The following TENM2 variants were observed in gnomAD, a reference collection of about 807,000 sequenced individuals.
TENM2 encodes teneurin-2.
A neutral mutation model predicts 245.2 loss-of-function variants in TENM2; 52 were observed. The observed-to-expected ratio is 0.21, with a 90% CI of 0.17 to 0.27. The LOEUF (loss-of-function observed/expected upper bound fraction) is 0.27, where lower values mean the gene tolerates loss of function less well. TENM2 is among the 10% of genes least tolerant of loss of function. TENM2 has a pLI of 1.00. For missense variants in TENM2, 3,046 were observed against 3,666.8 expected, an observed-to-expected ratio of 0.83 and a Z score of 4.37; for synonymous variants, 1,363 against 1,438.9, an observed-to-expected ratio of 0.95 and a Z score of 1.19.
chr5:167,485,948 C>T (rs191449844), intron 2 of TENM2, among the ~76,000 whole-genome samples: 10 of 152,174 alleles, frequency 6.6e-5, no homozygotes, highest in African/African-American at 2.2e-4. Context: ...TATGTGCACA[C>T]ACACACAAAT....
chr5:168,198,741 T>G, intron 15 of TENM2, 112 bp from the exon 18 acceptor site: 1 of 1,346,480 alleles, frequency 7.4e-7, no homozygotes, highest in Non-Finnish European at 1.0e-6. Context: ...CCAAAGCCCA[T>G]GGTCTCCTCT....
At chr5:167,058,756 AG>A in the TENM2 span, among the ~76,000 whole-genome samples, 1 of 152,036 alleles carries the variant, frequency 6.6e-6, no homozygotes, top group Non-Finnish European at 1.5e-5. Flanking sequence ...GTCTCTTAAG[AG>A]GGGGGCGGGG....
intron 2 of TENM2, among the ~76,000 whole-genome samples, chr5:167,719,266 A>G (rs1759463805): frequency 6.6e-6 from 1 of 152,244 alleles, no homozygotes; most frequent in South Asian, 2.1e-4. Context: ...ATTGGCCTAC[A>G]TACTTGTGAA....
At chr5:167,297,401 G>A (rs1289285153) in intron 1 of TENM2, 1 of 152,068 alleles carries the variant, frequency 6.6e-6, no homozygotes, top group Non-Finnish European at 1.5e-5. Context: ...GATTCTTCTG[G>A]CACCCCTGCT....
chr5:167,150,068 G>T, the TENM2 span, among the ~76,000 whole-genome samples: 1 of 152,104 alleles, frequency 6.6e-6, no homozygotes, highest in Non-Finnish European at 1.5e-5. Flanking sequence ...AGTCTCCACT[G>T]GAGAATACAC....
chr5:168,105,525 CA>C (rs1342164893), intron 9 of TENM2, among the ~76,000 whole-genome samples: 2 of 152,178 alleles, frequency 1.3e-5, no homozygotes, highest in African/African-American at 4.8e-5. Context: ...GCCTGTAAGG[CA>C]TCATGAACAT....
At chr5:168,027,773 T>A (rs1052880385) in intron 5 of TENM2, among the ~76,000 whole-genome samples, 1 of 152,224 alleles carries the variant, frequency 6.6e-6, no homozygotes, top group African/African-American at 2.4e-5. Context: ...TCTATATATG[T>A]TTTGTTTACT....
intron 2 of TENM2, among the ~76,000 whole-genome samples, chr5:167,722,262 G>A (rs937772722): frequency 6.6e-6 from 1 of 152,180 alleles, no homozygotes; most frequent in Middle Eastern, 3.2e-3. Context: ...TTAATATTTG[G>A]TTTTGAACTC....
At chr5:167,421,150 A>C (rs1763480299) in intron 2 of TENM2, among the ~76,000 whole-genome samples, 1 of 152,180 alleles carries the variant, frequency 6.6e-6, no homozygotes, top group Non-Finnish European at 1.5e-5. Context: ...TTTGCTAATT[A>C]ACTAACCTCA....
At chr5:167,076,989 C>T in the TENM2 span, among the ~76,000 whole-genome samples, 1 of 152,078 alleles carries the variant, frequency 6.6e-6, no homozygotes, top group Non-Finnish European at 1.5e-5. Flanking sequence ...CCATACCCAG[C>T]CAATTTTTGT....
intron 8 of TENM2, among the ~76,000 whole-genome samples, chr5:168,093,129 C>G (rs752994351): frequency 3.3e-5 from 5 of 152,338 alleles, no homozygotes; most frequent in South Asian, 4.1e-4. Context: ...TTCTAGCCAA[C>G]TAAATCCTTT....
chr5:167,237,658 A>G, the TENM2 span, among the ~76,000 whole-genome samples: 5 of 152,326 alleles, frequency 3.3e-5, no homozygotes, highest in South Asian at 8.3e-4. Context: ...GTCAGCATAC[A>G]GAATGAATGT....
intron 21 of TENM2, among the ~76,000 whole-genome samples, chr5:168,215,523 G>A (rs1394404109): frequency 6.6e-6 from 1 of 152,134 alleles, no homozygotes; most frequent in Non-Finnish European, 1.5e-5. Flanking sequence ...CAAAAAATTA[G>A]CCGGGCGTGG....
chr5:168,220,947 A>G (rs1039216554), intron 23 of TENM2, among the ~76,000 whole-genome samples: 4 of 152,178 alleles, frequency 2.6e-5, no homozygotes, highest in East Asian at 1.9e-4. Flanking sequence ...CCTCATCTCT[A>G]CTGAAAATAC....
intron 2 of TENM2, among the ~76,000 whole-genome samples, chr5:167,420,175 G>A (rs1011184687): frequency 5.9e-5 from 9 of 152,328 alleles, no homozygotes; most frequent in South Asian, 4.1e-4. Context: ...GCACGTGTCC[G>A]TGAAAAGTGG....
In TENM2 at chr5:167,667,257, A is replaced by G. The variant is rs1383912954; in HGVS notation, c.503-208729A>G. 2.0e-5 allele frequency among the ~76,000 whole-genome samples: 3 copies of G among 152,250 alleles called. No individual in the cohort carries two copies. In the East Asian group the frequency reaches 5.8e-4, roughly 29 times the overall value. ...TTCACAATGCCTTTGAGGACTAAAG[A>G]ATCTCTGTATTGGTGTTGGCCGTAT... On this transcript the variant is annotated intron_variant, in intron 2 of 28. Transcript: ENST00000518659.
intron 2 of TENM2, among the ~76,000 whole-genome samples, chr5:167,851,998 A>G (rs1770627303): frequency 6.6e-6 from 1 of 152,176 alleles, no homozygotes. Context: ...CACACTCCTT[A>G]ATTCTCTCCC....
At chr5:167,409,194 C>G (rs1179190070) in intron 2 of TENM2, among the ~76,000 whole-genome samples, 1 of 151,768 alleles carries the variant, frequency 6.6e-6, no homozygotes, top group African/African-American at 2.4e-5. Context: ...GAATAAGAAA[C>G]TAAACCAATT....
chr5:167,145,017 A>G, the TENM2 span, among the ~76,000 whole-genome samples: 1 of 152,160 alleles, frequency 6.6e-6, no homozygotes, highest in Non-Finnish European at 1.5e-5. Flanking sequence ...TCCTCGGCCC[A>G]TGTGACATCC....
Sources: gnomAD v4.1 joint callset for allele counts (sites outside exome capture counted in the v4.1 genomes callset) on GRCh38, gnomAD v4.1.1 for gene constraint, MANE v1.5 for transcripts, NCBI Gene and HGNC (gene_info 2026-07-23, HGNC 2026-07-21) for gene names.